Variants in LDB3 observed in about 807,000 individuals in gnomAD.
LDB3 encodes LIM domain-binding protein 3.
LDB3 carries 49 observed loss-of-function variants against 69.0 expected under a neutral mutation model. The ratio of observed to expected loss-of-function variants is 0.71; its 90% CI spans 0.56 to 0.90. The LOEUF (loss-of-function observed/expected upper bound fraction) is 0.90. Among genes scored for constraint, LDB3 ranks in the 40% least tolerant of loss-of-function variants. The pLI, the probability that LDB3 is intolerant of heterozygous loss-of-function variation, is 0.00. For missense variants in LDB3, 928 were observed against 974.1 expected, an observed-to-expected ratio of 0.95 and a Z score of 0.63; for synonymous variants, 387 against 396.2, an observed-to-expected ratio of 0.98 and a Z score of 0.28.
intron 8 of LDB3, among the ~76,000 whole-genome samples, chr10:86,708,799 C>T (rs1035031836): frequency 6.6e-6 from 1 of 152,150 alleles, no homozygotes; most frequent in African/African-American, 2.4e-5. Context: ...CCTCAGACCT[C>T]TCTGGATCCA....
At chr10:86,713,934 A>G (rs1253776297) in intron 9 of LDB3, among the ~76,000 whole-genome samples, 1 of 151,684 alleles carries the variant, frequency 6.6e-6, no homozygotes, top group Non-Finnish European at 1.5e-5. Flanking sequence ...CTCTCCCCCA[A>G]CCCTAGGCGC....
intron 9 of LDB3, among the ~76,000 whole-genome samples, chr10:86,714,887 G>T (rs1846806772): frequency 6.6e-6 from 1 of 152,198 alleles, no homozygotes; most frequent in Non-Finnish European, 1.5e-5. Flanking sequence ...TCACTGGCAG[G>T]ATGGCTCCAG....
At chr10:86,731,751 C>A (rs1354580673) in intron 13 of LDB3, among the ~76,000 whole-genome samples, 2 of 151,994 alleles carry the variant, frequency 1.3e-5, no homozygotes, top group Non-Finnish European at 2.9e-5. Context: ...GCCAGATTCC[C>A]TATGGAACAC....
chr10:86,675,858 T>C (rs938847065), intron 2 of LDB3, among the ~76,000 whole-genome samples: 28 of 152,228 alleles, frequency 1.8e-4, no homozygotes, highest in African/African-American at 6.8e-4. Context: ...AATAAAATGT[T>C]GGGGATCACA....
intron 2 of LDB3, among the ~76,000 whole-genome samples, chr10:86,677,577 T>C (rs1411319827): frequency 6.6e-6 from 1 of 152,192 alleles, no homozygotes; most frequent in East Asian, 1.9e-4. Flanking sequence ...AGGTGTGGCC[T>C]TCCTGAGATT....
At chr10:86,691,793 G>A (rs1222468643) in intron 5 of LDB3, 103 bp from the exon 6 acceptor site, 8 of 1,327,740 alleles carry the variant, frequency 6.0e-6, no homozygotes, top group Non-Finnish European at 1.1e-6. Flanking sequence ...GCAAGGTGGG[G>A]ACAGAACGAT....
rs1457474417 is a variant in LDB3, at chr10:86,699,335, C to T, written c.896+6764C>T. 1 of 1,613,958 alleles carries T rather than the reference C, an allele frequency of 6.2e-7. No individual in the cohort carries two copies. The highest frequency in any genetic ancestry group is 1.1e-5 in the South Asian group (1 of 91,076). On this transcript the variant is annotated intron_variant, in intron 7 of 13. Transcript: ENST00000361373. The surrounding 1 kb of genome is among the most constrained non-coding windows in gnomAD (Gnocchi z 4.9). ...GTTTTGCCAAATTGCGCAACTGGCACCATGGCCTTTCAGCCCAAATCCTTA... is the reference window on the plus strand; with the variant it reads ...GTTTTGCCAAATTGCGCAACTGGCATCATGGCCTTTCAGCCCAAATCCTTA...
chr10:86,695,832 G>A (rs567295916), intron 7 of LDB3, among the ~76,000 whole-genome samples: 11 of 152,278 alleles, frequency 7.2e-5, no homozygotes, highest in East Asian at 3.9e-4. Flanking sequence ...TTGGATCTGC[G>A]AGGCATCTGG....
intron 9 of LDB3, among the ~76,000 whole-genome samples, chr10:86,715,166 G>T (rs769994510): frequency 6.6e-6 from 1 of 152,194 alleles, no homozygotes; most frequent in Non-Finnish European, 1.5e-5. Flanking sequence ...GGAGTATGGG[G>T]TGGGGGGCAG....
At chr10:86,676,311 C>T (rs1455124875) in intron 2 of LDB3, among the ~76,000 whole-genome samples, 2 of 152,116 alleles carry the variant, frequency 1.3e-5, no homozygotes, top group East Asian at 3.8e-4. Flanking sequence ...GTCTGTAATC[C>T]CAGCACTTTG....
intron 5 of LDB3, among the ~76,000 whole-genome samples, chr10:86,689,601 A>T (rs1054535523): frequency 2.6e-5 from 4 of 152,174 alleles, no homozygotes. Context: ...TCCTATCTGC[A>T]CTGGAACAGT....
chr10:86,702,583 TG>T (rs530237324), intron 7 of LDB3, among the ~76,000 whole-genome samples: 172 of 152,322 alleles, frequency 1.1e-3, no homozygotes, highest in African/African-American at 3.9e-3. Context: ...ATTTGGTTTT[TG>T]CTTAGATGTT....
chr10:86,671,174 C>G (rs1844451503), intron 2 of LDB3, among the ~76,000 whole-genome samples: 1 of 152,198 alleles, frequency 6.6e-6, no homozygotes, highest in Non-Finnish European at 1.5e-5. Context: ...CAGAGCCTGG[C>G]AAACTGAGGC....
chr10:86,678,001 A>G (rs991440804), intron 2 of LDB3, among the ~76,000 whole-genome samples: 4 of 151,990 alleles, frequency 2.6e-5, no homozygotes, highest in African/African-American at 9.7e-5. Context: ...AGGGGTTATA[A>G]GAGGCTAATC....
At chr10:86,710,258 C>T (rs952275391) in intron 9 of LDB3, 1 of 985,152 alleles carries the variant, frequency 1.0e-6, no homozygotes, top group Middle Eastern at 5.2e-4. Context: ...AGCAAGAAAG[C>T]GGTGGATGAT....
chr10:86,671,674 C>T (rs1844483692), intron 2 of LDB3, among the ~76,000 whole-genome samples: 1 of 152,200 alleles, frequency 6.6e-6, no homozygotes, highest in African/African-American at 2.4e-5. Context: ...GAGGCTGGGG[C>T]TGTGGTCTGG....
In LDB3 at chr10:86,679,420, G is replaced by A. The variant is rs45591834; in HGVS notation, c.147G>A (p.Val49=). The change falls in exon 3 of 14, where the codon GTG becomes GTA. Residue 49 remains valine (V), a synonymous_variant. Coordinates refer to ENST00000361373, the MANE Select transcript of LDB3 (RefSeq NM_007078.3). ...AQSQLSQGDL[V]VAIDGVNTDT... ...CCCAGCTCAGCCAGGGTGACCTCGT[G>A]GTGGCCATTGACGGCGTCAACACAG... The A allele has an allele frequency of 4.0e-3, 6,468 of 1,614,180 alleles. 23 individuals are homozygous for A. Among genetic ancestry groups the A allele is most frequent in the Non-Finnish European group, 4.7e-3 (5,549 of 1,180,034 alleles).
chr10:86,717,890 T>C, intron 10 of LDB3, 74 bp from the exon 11 acceptor site: 1 of 1,355,288 alleles, frequency 7.4e-7, no homozygotes, highest in Non-Finnish European at 1.0e-6. Flanking sequence ...GTATAAACAG[T>C]GTTGGGGTTC....
At chr10:86,708,507 T>C (rs1420952718) in intron 8 of LDB3, among the ~76,000 whole-genome samples, 4 of 152,084 alleles carry the variant, frequency 2.6e-5, no homozygotes, top group Non-Finnish European at 5.9e-5. Context: ...TGTCCTCCAA[T>C]GATGGAGTCC....
Sources: allele counts gnomAD v4.1 joint callset (sites outside exome capture counted in the v4.1 genomes callset), GRCh38; gene constraint gnomAD v4.1.1; non-coding constraint Gnocchi (gnomAD v3.1); transcripts MANE v1.5; gene names NCBI Gene and HGNC (gene_info 2026-07-23, HGNC 2026-07-21).